AKT2: variants seen among roughly 807,000 people sequenced by gnomAD.
The protein encoded by AKT2 is AKT serine/threonine kinase 2, also known as RAC-beta serine/threonine-protein kinase.
A neutral mutation model predicts 58.6 loss-of-function variants in AKT2; 16 were observed. The observed-to-expected ratio is 0.27, with a 90% CI of 0.18 to 0.41. The LOEUF (loss-of-function observed/expected upper bound fraction) is 0.41. AKT2 is among the 10% of genes least tolerant of loss of function. The pLI, the probability that AKT2 is intolerant of heterozygous loss-of-function variation, is 1.00. For missense variants in AKT2, 438 were observed against 661.0 expected, an observed-to-expected ratio of 0.66 and a Z score of 3.70; for synonymous variants, 253 against 254.0, an observed-to-expected ratio of 1.00 and a Z score of 0.04.
rs1346514013 is a variant in AKT2, at chr19:40,233,899, G to A, written c.1419C>T (p.Phe473=). 1.2e-6 allele frequency: 2 copies of A among 1,611,858 alleles called. No homozygotes were observed. The highest frequency in any genetic ancestry group is 1.7e-6 in the Non-Finnish European group (2 of 1,179,910). ...ELDQRTHFPQ[F]SYSASIRE ...ACTCGCGGATGCTGGCCGAGTAGGA[G>A]AACTGGGGGAAGTGGGTCCGCTGGT... Residue 473 remains phenylalanine, a synonymous_variant, in exon 14 of 14, where the codon TTC becomes TTT. Transcript: ENST00000392038. This position sits in a 1 kb window ranked among gnomAD's most constrained non-coding sequence, Gnocchi z 4.3.
chr19:40,282,631 C>T (rs766519625), intron 1 of AKT2: 11 of 434,322 alleles, frequency 2.5e-5, no homozygotes, highest in South Asian at 1.5e-4. Flanking sequence ...GTCTTTCCTT[C>T]CTTTCACCCA....
At chr19:40,263,621 C>G (rs951217083) in intron 2 of AKT2, among the ~76,000 whole-genome samples, 6 of 152,164 alleles carry the variant, frequency 3.9e-5, no homozygotes, top group African/African-American at 7.2e-5. Flanking sequence ...GGCCAAGGGA[C>G]CTTAAAAGCC....
rs759277032 is a variant in AKT2, at chr19:40,241,939, T to C, written c.572A>G (p.Lys191Arg). Residue 191 changes from lysine (K) to arginine (R), a missense_variant and splice_region_variant, in exon 6 of 14, where the codon AAG becomes AGG. Physicochemically the swap from Lys to Arg is conservative, Grantham distance 26. This residue lies in a region of AKT2 where 244 missense variants were observed against 347.1 expected (regional missense o/e 0.70). Transcript: ENST00000392038. ...GAGCGCAATTCCCGGGGCACGCACC[T>C]TGGCAATGATGACTTCCTTCCGCAG... ...KILRKEVIIA[K>R]DEVAHTVTES... 126 of 1,613,798 alleles carry C rather than the reference T, an allele frequency of 7.8e-5. No individual in the cohort carries two copies. Among genetic ancestry groups the C allele is most frequent in the Non-Finnish European group, 1.0e-4 (122 of 1,180,052 alleles).
chr19:40,256,790 G>T, intron 3 of AKT2, 136 bp downstream of exon 3: 1 of 1,351,344 alleles, frequency 7.4e-7, no homozygotes, highest in East Asian at 2.4e-5. Flanking sequence ...GAGAGCAGGG[G>T]AAGGGTGAAA....
At chr19:40,277,556 G>A (rs1334887533) in intron 1 of AKT2, among the ~76,000 whole-genome samples, 1 of 152,194 alleles carries the variant, frequency 6.6e-6, no homozygotes, top group African/African-American at 2.4e-5. Context: ...CCTGAGCCCT[G>A]CCACCCTGCT....
In AKT2 at chr19:40,238,662, C is replaced by T. The variant is rs889132398; in HGVS notation, c.708+243G>A. ...ACAGCCCTCTCCACACCTCTCTGGA[C>T]TGGTTTGGACCTGACCCACCCACTC... On this transcript the variant is annotated intron_variant, in intron 8 of 13. Transcript: ENST00000392038. This position sits in a 1 kb window ranked among gnomAD's most constrained non-coding sequence, Gnocchi z 5.1. Among the ~76,000 whole-genome samples, 1 of 152,150 alleles carries T rather than the reference C, an allele frequency of 6.6e-6. No homozygotes were observed. The highest frequency in any genetic ancestry group is 1.5e-5 in the Non-Finnish European group (1 of 68,024).
rs374180510 is a variant in AKT2, at chr19:40,265,202, G to A, written c.46+20C>T. On this transcript the variant is annotated intron_variant, in intron 2 of 13. Transcript: ENST00000392038. ...GCCAGCGTGGGAGAAAGAATCTGGC[G>A]GGCAAAAGCGGCCTCTTACCACGCT... 1.6e-4 allele frequency: 250 copies of A among 1,611,134 alleles called. No individual in the cohort carries two copies. Among genetic ancestry groups the A allele is most frequent in the Non-Finnish European group, 1.9e-4 (225 of 1,178,758 alleles).
rs1974193561 is a variant in AKT2, at chr19:40,238,851, C to G, written c.708+54G>C. The G allele has an allele frequency of 2.5e-6, 4 of 1,576,282 alleles. No homozygotes were observed. In the Admixed American group the frequency reaches 5.0e-5, roughly 20 times the overall value. On this transcript the variant is annotated intron_variant, in intron 8 of 13. Coordinates refer to ENST00000392038, the MANE Select transcript of AKT2 (RefSeq NM_001626.6). The surrounding 1 kb of genome is among the most constrained non-coding windows in gnomAD (Gnocchi z 5.1). ...CACCCACAGCTCCTCTCCATCCCGC[C>G]CCACCCTAAAGAAGGAGGCCCCAGA...
At chr19:40,239,073 ACC>A in intron 7 of AKT2, 100 bp from the exon 8 acceptor site, 1 of 1,261,192 alleles carries the variant, frequency 7.9e-7, no homozygotes, top group Non-Finnish European at 1.1e-6. Flanking sequence ...GCACACACAC[ACC>A]CTGCCCTGGC....
chr19:40,248,175 G>A (rs1353579060), intron 4 of AKT2, among the ~76,000 whole-genome samples: 1 of 152,224 alleles, frequency 6.6e-6, no homozygotes, highest in African/African-American at 2.4e-5. Flanking sequence ...TGGGCAGGTT[G>A]TATGCCCTTC....
At position 40,238,895 on chromosome 19, in the gene AKT2, C is replaced by T. The variant is rs766285582; in HGVS notation, c.708+10G>A. ...CCCCAGAGGGCAAAGTCAAGGCAGC[C>T]GCGGCTCACCTCACCCCCGTTGGCA... On this transcript the variant is annotated intron_variant, in intron 8 of 13. Transcript: ENST00000392038. The surrounding 1 kb of genome is among the most constrained non-coding windows in gnomAD (Gnocchi z 5.1). The T allele has an allele frequency of 5.6e-6, 9 of 1,613,922 alleles. No individual in the cohort carries two copies. Among genetic ancestry groups the T allele is most frequent in the Admixed American group, 5.0e-5 (3 of 59,998 alleles).
intron 1 of AKT2, among the ~76,000 whole-genome samples, chr19:40,283,517 G>A (rs1454167071): frequency 6.6e-6 from 1 of 152,178 alleles, no homozygotes; most frequent in Non-Finnish European, 1.5e-5. Flanking sequence ...CGGACTAGGG[G>A]CAACCATCTG....
intron 7 of AKT2, chr19:40,239,267 T>C (rs1974231178): frequency 2.8e-6 from 1 of 363,632 alleles, no homozygotes; most frequent in Non-Finnish European, 5.0e-6. Context: ...CTCTTGTTTT[T>C]ACAGTAAAAT....
chr19:40,282,151 T>C (rs2077434884), intron 1 of AKT2: 1 of 204,848 alleles, frequency 4.9e-6, no homozygotes, highest in Admixed American at 5.4e-5. Flanking sequence ...GGACCAAAAG[T>C]AGGGGGTGGG....
intron 1 of AKT2, among the ~76,000 whole-genome samples, chr19:40,283,468 A>G (rs1009389901): frequency 5.9e-5 from 9 of 152,288 alleles, no homozygotes; most frequent in Admixed American, 3.9e-4. Flanking sequence ...TCCAGGAACC[A>G]CGAGCCACGG....
chr19:40,263,706 G>A (rs898544981), intron 2 of AKT2, among the ~76,000 whole-genome samples: 1 of 152,142 alleles, frequency 6.6e-6, no homozygotes, highest in African/African-American at 2.4e-5. Flanking sequence ...CCCAGGGAGG[G>A]GCGTCCATCC....
chr19:40,248,547 C>T (rs1267037556), intron 4 of AKT2, among the ~76,000 whole-genome samples: 2 of 152,212 alleles, frequency 1.3e-5, no homozygotes, highest in East Asian at 3.8e-4. Context: ...AGAACAGGCC[C>T]TTGGCACACA....
At chr19:40,251,936 G>C (rs1252110674) in intron 4 of AKT2, among the ~76,000 whole-genome samples, 1 of 152,214 alleles carries the variant, frequency 6.6e-6, no homozygotes, top group Non-Finnish European at 1.5e-5. Context: ...GCAGAGTCTA[G>C]GAGTGGGGCG....
rs763646270 is a variant in AKT2, at chr19:40,256,968, G to A, written c.133C>T (p.Pro45Ser). 3 of 1,614,156 alleles carry A rather than the reference G, an allele frequency of 1.9e-6. No individual in the cohort carries two copies. In the South Asian group the frequency reaches 3.3e-5, roughly 18 times the overall value. Residue 45 changes from proline (P) to serine (S), a missense_variant, in exon 3 of 14, where the codon CCT (proline) becomes TCT (serine). This residue lies in a region of AKT2 where 244 missense variants were observed against 347.1 expected (regional missense o/e 0.70). Transcript: ENST00000392038. ...TTTAAGGGGGGTAGAGTCTGATCAG[G>A]GGCCTCGGGCCTCTCCTTGTACCCA... is the stretch of plus-strand genomic sequence containing the variant. ...FIGYKERPEA[P>S]DQTLPPLNNF...
Sources: allele counts gnomAD v4.1 joint callset (sites outside exome capture counted in the v4.1 genomes callset), GRCh38; gene constraint gnomAD v4.1.1; regional missense constraint gnomAD v4.1.1; non-coding constraint Gnocchi (gnomAD v3.1); transcripts MANE v1.5; gene names NCBI Gene and HGNC (gene_info 2026-07-23, HGNC 2026-07-21).